Variants in ASTN2 observed in about 807,000 individuals in gnomAD.
ASTN2 encodes astrotactin-2.
In ASTN2, 54 loss-of-function variants were observed where a neutral mutation model predicts 139.8. The ratio of observed to expected loss-of-function variants is 0.39; its 90% CI spans 0.31 to 0.48. The LOEUF is 0.48. Ranked by LOEUF, ASTN2 falls within the 20% of genes least tolerant of loss-of-function variation. The pLI, the probability that ASTN2 is intolerant of heterozygous loss-of-function variation, is 0.95. For missense variants in ASTN2, 1,565 were observed against 1,725.1 expected (o/e 0.91, Z 1.64); for synonymous variants, 756 against 719.5 (o/e 1.05, Z -0.81).
chr9:116,840,571 C>G (rs1317080421), intron 11 of ASTN2, among the ~76,000 whole-genome samples: 1 of 119,870 alleles, frequency 8.3e-6, no homozygotes, highest in Non-Finnish European at 1.7e-5. Context: ...CCCCCCACCT[C>G]CCTCCCGGAC....
intron 3 of ASTN2, among the ~76,000 whole-genome samples, chr9:117,185,579 T>C (rs773894752): frequency 1.1e-4 from 16 of 152,204 alleles, no homozygotes; most frequent in Non-Finnish European, 1.6e-4. Flanking sequence ...GATTAGCTTA[T>C]GGATGGTGAC....
chr9:116,886,712 T>G, intron 10 of ASTN2, among the ~76,000 whole-genome samples: 1 of 149,802 alleles, frequency 6.7e-6, no homozygotes, highest in African/African-American at 2.4e-5. Context: ...GGGATAGAAC[T>G]TGGCATTTCA....
intron 19 of ASTN2, among the ~76,000 whole-genome samples, chr9:116,488,444 T>C (rs941869798): frequency 6.6e-6 from 1 of 151,984 alleles, no homozygotes; most frequent in African/African-American, 2.4e-5. Context: ...AAAAATAAAA[T>C]AAAAATACAG....
At chr9:116,530,104 T>C (rs1279560654) in intron 19 of ASTN2, among the ~76,000 whole-genome samples, 1 of 16,832 alleles carries the variant, frequency 5.9e-5, no homozygotes, top group Non-Finnish European at 1.2e-4. Flanking sequence ...GATATATATA[T>C]ATATATATAT....
intron 16 of ASTN2, among the ~76,000 whole-genome samples, chr9:116,685,729 T>C (rs1860162366): frequency 1.3e-5 from 2 of 152,172 alleles, no homozygotes; most frequent in Admixed American, 1.3e-4. Flanking sequence ...TAACTGGTAA[T>C]AAACATTAAA....
chr9:117,075,519 G>A (rs1038052853), intron 5 of ASTN2, among the ~76,000 whole-genome samples: 7 of 151,840 alleles, frequency 4.6e-5, no homozygotes, highest in African/African-American at 1.2e-4. Context: ...GAGGAGGAGG[G>A]GGCAGGCTGA....
chr9:116,846,547 C>T (rs890589886), intron 11 of ASTN2, among the ~76,000 whole-genome samples: 3 of 152,104 alleles, frequency 2.0e-5, no homozygotes, highest in African/African-American at 4.8e-5. Flanking sequence ...CATGCTACTG[C>T]GTGGCTGGGT....
chr9:117,383,341 C>A (rs988172149), intron 1 of ASTN2, among the ~76,000 whole-genome samples: 4 of 152,126 alleles, frequency 2.6e-5, no homozygotes, highest in African/African-American at 9.7e-5. Flanking sequence ...AGATATCAGA[C>A]CAGTGGGTGC....
chr9:117,209,549 C>G (rs1564479917), intron 3 of ASTN2, among the ~76,000 whole-genome samples: 1 of 151,960 alleles, frequency 6.6e-6, no homozygotes, highest in Non-Finnish European at 1.5e-5. Context: ...CATCCTGATA[C>G]ATAAAGTAAA....
At chr9:117,262,591 T>C (rs1346661611) in intron 2 of ASTN2, among the ~76,000 whole-genome samples, 3 of 152,012 alleles carry the variant, frequency 2.0e-5, no homozygotes, top group Admixed American at 2.0e-4. Flanking sequence ...ACTGGAGCAT[T>C]GCAGTGAACT....
At chr9:116,781,601 T>C (rs1046869565) in intron 13 of ASTN2, among the ~76,000 whole-genome samples, 1 of 152,148 alleles carries the variant, frequency 6.6e-6, no homozygotes, top group Non-Finnish European at 1.5e-5. Flanking sequence ...GTGGGTTTAA[T>C]TAGAACTGTT....
intron 13 of ASTN2, among the ~76,000 whole-genome samples, chr9:116,752,761 A>T (rs1829432100): frequency 6.6e-6 from 1 of 152,250 alleles, no homozygotes; most frequent in African/African-American, 2.4e-5. Context: ...TGAGCATATG[A>T]ATGTACACAC....
chr9:117,336,587 T>C (rs1020655728), intron 1 of ASTN2, among the ~76,000 whole-genome samples: 4 of 152,268 alleles, frequency 2.6e-5, no homozygotes, highest in Non-Finnish European at 5.9e-5. Context: ...GGTCTATGCA[T>C]TCCGTTGAGT....
chr9:116,565,351 TTCTC>T (rs772428232), intron 19 of ASTN2, among the ~76,000 whole-genome samples: 16 of 36,004 alleles, frequency 4.4e-4, no homozygotes, highest in South Asian at 1.2e-3. Flanking sequence ...AAGACACTGT[TTCTC>T]TCTCTCTCTC....
At chr9:117,409,111 A>G (rs1464133376) in intron 1 of ASTN2, among the ~76,000 whole-genome samples, 7 of 152,200 alleles carry the variant, frequency 4.6e-5, no homozygotes, top group Non-Finnish European at 5.9e-5. Context: ...AAGAAATAAC[A>G]TACATTGTTT....
At chr9:116,887,721 G>T (rs1833652032) in intron 10 of ASTN2, among the ~76,000 whole-genome samples, 2 of 152,106 alleles carry the variant, frequency 1.3e-5, no homozygotes, top group South Asian at 4.1e-4. Flanking sequence ...AGGGTGGAGT[G>T]CAATGGCATG....
intron 1 of ASTN2, among the ~76,000 whole-genome samples, chr9:117,370,271 G>GA: frequency 6.6e-6 from 1 of 152,072 alleles, no homozygotes; most frequent in Non-Finnish European, 1.5e-5. Flanking sequence ...GAAGAAAAGG[G>GA]AAAAAACAAC....
intron 19 of ASTN2, among the ~76,000 whole-genome samples, chr9:116,561,091 C>A (rs548625825): frequency 6.6e-6 from 1 of 151,970 alleles, no homozygotes; most frequent in African/African-American, 2.4e-5. Context: ...TGTTGAGAAC[C>A]AATGCTTTAA....
chr9:116,728,929 G>A, intron 15 of ASTN2, 63 bp downstream of exon 15: 1 of 1,372,282 alleles, frequency 7.3e-7, no homozygotes, highest in South Asian at 1.3e-5. Flanking sequence ...GCACATGCTA[G>A]GTCCTTGGCA....
Sources: gnomAD v4.1 joint callset for allele counts (sites outside exome capture counted in the v4.1 genomes callset) on GRCh38, gnomAD v4.1.1 for gene constraint, MANE v1.5 for transcripts, NCBI Gene and HGNC (gene_info 2026-07-23, HGNC 2026-07-21) for gene names.